The following STK32A variants were observed in gnomAD, a reference collection of about 807,000 sequenced individuals.
The protein encoded by STK32A is serine/threonine kinase 32A.
Under a neutral mutation model 53.2 loss-of-function variants are expected in STK32A, and 41 were observed. The ratio of observed to expected loss-of-function variants is 0.77; its 90% CI spans 0.60 to 1.00. STK32A has a LOEUF of 1.00. Ranked by LOEUF, STK32A falls within the 50% of genes least tolerant of loss-of-function variation. The pLI, the probability that STK32A is intolerant of heterozygous loss-of-function variation, is 0.00. For synonymous variants in STK32A, 166 were observed against 162.8 expected (o/e 1.02, Z -0.15); for missense variants, 458 against 485.8 (o/e 0.94, Z 0.54).
Position 147,324,057 on chromosome 5 carries a change from G to A in STK32A, c.420G>A (p.Gln140=), listed in dbSNP as rs766034166. 1.2e-6 allele frequency: 2 copies of A among 1,605,386 alleles called. No individual in the cohort carries two copies. Among genetic ancestry groups the A allele is most frequent in the East Asian group, 2.2e-5 (1 of 44,646 alleles). ...LVMALDYLQN[Q]RIIHRDMKPD... Reference sequence around the variant, plus strand: ...TGGCCCTGGACTACCTGCAGAACCAGCGCATCATTCACAGGTCAGTCAAGT... The same window carrying A: ...TGGCCCTGGACTACCTGCAGAACCAACGCATCATTCACAGGTCAGTCAAGT... The change falls in exon 5 of 13, where the codon CAG becomes CAA. Residue 140 remains glutamine (Q), a synonymous_variant. Transcript: ENST00000397936.
intron 4 of STK32A, among the ~76,000 whole-genome samples, chr5:147,305,468 C>G (rs1432891057): frequency 6.6e-6 from 1 of 152,106 alleles, no homozygotes; most frequent in Admixed American, 6.5e-5. Context: ...GTTTTTCAGC[C>G]TTCAGGCTGT....
intron 4 of STK32A, among the ~76,000 whole-genome samples, chr5:147,290,990 A>G (rs78180963): frequency 0.33 from 50,609 of 151,954 alleles, 8,797 homozygotes; most frequent in South Asian, 0.6. Context: ...ATTATTCTTT[A>G]TATCACAAAT....
At chr5:147,244,156 G>A (rs1011851428) in intron 2 of STK32A, among the ~76,000 whole-genome samples, 1 of 152,116 alleles carries the variant, frequency 6.6e-6, no homozygotes, top group African/African-American at 2.4e-5. Flanking sequence ...TTTGCATCTG[G>A]TTTATTTCAT....
At chr5:147,325,822 T>G (rs769495040) in intron 5 of STK32A, among the ~76,000 whole-genome samples, 1 of 152,206 alleles carries the variant, frequency 6.6e-6, no homozygotes, top group African/African-American at 2.4e-5. Context: ...CTTGTTAGTC[T>G]ATGGAGTCCC....
At chr5:147,372,269 CTTTTTTTTTTTTTTTT>C (rs71274369) in intron 9 of STK32A, among the ~76,000 whole-genome samples, 1 of 49,332 alleles carries the variant, frequency 2.0e-5, no homozygotes, top group South Asian at 1.1e-3. Context: ...TGGGCTTGGC[CTTTTTTTTTTTTTTTT>C]TTTTTTTTTT....
chr5:147,297,466 T>C (rs753251385), intron 4 of STK32A, among the ~76,000 whole-genome samples: 4 of 152,180 alleles, frequency 2.6e-5, no homozygotes, highest in Non-Finnish European at 4.4e-5. Context: ...GAAAGCAGAA[T>C]CTTAGCTGGT....
At chr5:147,325,478 G>C (rs1365198772) in intron 5 of STK32A, among the ~76,000 whole-genome samples, 1 of 152,202 alleles carries the variant, frequency 6.6e-6, no homozygotes, top group East Asian at 1.9e-4. Flanking sequence ...TGAGTACAGA[G>C]CCTATAGATG....
At chr5:147,300,168 A>C (rs944388270) in intron 4 of STK32A, among the ~76,000 whole-genome samples, 1 of 152,214 alleles carries the variant, frequency 6.6e-6, no homozygotes, top group Admixed American at 6.5e-5. Context: ...GGTTTTACAT[A>C]TATTATCTCA....
the STK32A span, chr5:147,399,294 T>A: frequency 6.3e-7 from 1 of 1,586,890 alleles, no homozygotes; most frequent in Non-Finnish European, 8.6e-7. Context: ...TATAGCTACA[T>A]ATATATCAAT....
chr5:147,277,038 A>C (rs1036404092), intron 2 of STK32A, among the ~76,000 whole-genome samples: 1 of 152,006 alleles, frequency 6.6e-6, no homozygotes, highest in African/African-American at 2.4e-5. Context: ...AAAATGTTTG[A>C]CTCTCAGATA....
chr5:147,269,307 C>A lies in STK32A; in HGVS notation c.53-8817C>A, dbSNP rs189982209. ...GCAACCTTGGGCTTCTTTCTCCCAG[C>A]ACCTAGCACAATGGCTGTTACTTAG... On this transcript the variant is annotated intron_variant, in intron 2 of 12. Transcript: ENST00000397936. Among the ~76,000 whole-genome samples, 503 of 152,298 alleles carry A rather than the reference C, an allele frequency of 3.3e-3. 1 individual carries two copies. The Middle Eastern group carries it at 0.037, about 11-fold the overall frequency.
chr5:147,335,758 T>C (rs1212688690), intron 5 of STK32A, among the ~76,000 whole-genome samples: 1 of 152,176 alleles, frequency 6.6e-6, no homozygotes, highest in African/African-American at 2.4e-5. Flanking sequence ...GGAGTAGGTT[T>C]CCCAAAGCAC....
chr5:147,307,624 CAAAA>C (rs34762967), intron 4 of STK32A, among the ~76,000 whole-genome samples: 3 of 75,280 alleles, frequency 4.0e-5, no homozygotes, highest in South Asian at 4.9e-4. Flanking sequence ...GACGCTGTCT[CAAAA>C]AAAAAAAAAA....
rs1174525013 is a variant in STK32A, at chr5:147,351,122, T to A, written c.530T>A (p.Ile177Asn). The stretch of plus-strand genomic sequence containing the variant: ...GCGATGCTGCCCAGGGAGACACAGA[T>A]TACCACCATGGCTGGCACCAAGCCT... ...IAAMLPRETQ[I>N]TTMAGTKPYM... The change falls in exon 7 of 13, where the codon ATT (isoleucine) becomes AAT (asparagine). Residue 177 changes from isoleucine (I) to asparagine (N), a missense_variant. Physicochemically the swap from Ile to Asn is moderately radical, Grantham distance 149. Coordinates refer to ENST00000397936, the MANE Select transcript of STK32A (RefSeq NM_001112724.2). 1 of 1,613,984 alleles carries A rather than the reference T, an allele frequency of 6.2e-7. No homozygotes were observed. The highest frequency in any genetic ancestry group is 1.7e-5 in the Admixed American group (1 of 60,028).
intron 2 of STK32A, 53 bp from the exon 3 acceptor site, chr5:147,278,071 T>C: frequency 7.1e-7 from 1 of 1,408,832 alleles, no homozygotes; most frequent in Non-Finnish European, 9.8e-7. Flanking sequence ...ATTTATTAGC[T>C]ACTAAAGAGA....
rs190279841 is a variant in STK32A, at chr5:147,235,994, T to C, written c.-97+795T>C. Among the ~76,000 whole-genome samples the C allele has an allele frequency of 4.6e-5, 7 of 152,332 alleles. No homozygotes were observed. In the East Asian group the frequency reaches 1.2e-3, roughly 25 times the overall value. The stretch of plus-strand genomic sequence containing the variant: ...TTAAAATATTTCTTAAACTAAGAAG[T>C]TCTGTTTTTCAAATGCAAACAAAAT... On this transcript the variant is annotated intron_variant, in intron 1 of 12. Coordinates refer to ENST00000397936, the MANE Select transcript of STK32A (RefSeq NM_001112724.2).
At chr5:147,381,282 T>A (rs1757441899) in intron 11 of STK32A, among the ~76,000 whole-genome samples, 1 of 152,174 alleles carries the variant, frequency 6.6e-6, no homozygotes, top group African/African-American at 2.4e-5. Flanking sequence ...CATCTTATGA[T>A]GTACTTGACA....
intron 6 of STK32A, among the ~76,000 whole-genome samples, 193 bp from the exon 7 acceptor site, chr5:147,350,872 T>C (rs971517279): frequency 2.0e-5 from 3 of 152,190 alleles, no homozygotes; most frequent in African/African-American, 7.2e-5. Flanking sequence ...AACTACAGGC[T>C]TACAATCAGA....
intron 4 of STK32A, among the ~76,000 whole-genome samples, chr5:147,313,497 C>T (rs916743299): frequency 1.3e-5 from 2 of 152,186 alleles, no homozygotes; most frequent in Non-Finnish European, 2.9e-5. Flanking sequence ...TCAAATTTAT[C>T]TGTAGATTCT....
Sources: allele counts gnomAD v4.1 joint callset (sites outside exome capture counted in the v4.1 genomes callset), GRCh38; gene constraint gnomAD v4.1.1; transcripts MANE v1.5; gene names NCBI Gene and HGNC (gene_info 2026-07-23, HGNC 2026-07-21).